The following ARIH2 variants were observed in gnomAD, a reference collection of about 807,000 sequenced individuals.
The protein encoded by ARIH2 is ariadne RBR E3 ubiquitin protein ligase 2.
A neutral mutation model predicts 79.8 loss-of-function variants in ARIH2; 12 were observed. The ratio of observed to expected loss-of-function variants is 0.15; its 90% CI spans 0.10 to 0.24. The LOEUF (loss-of-function observed/expected upper bound fraction) is 0.24, where lower values mean the gene tolerates loss of function less well. ARIH2 is among the 10% of genes least tolerant of loss of function. The probability of loss-of-function intolerance (pLI) is 1.00; values close to 1 mark genes in which losing one functional copy is unlikely to be tolerated. For missense variants in ARIH2, 301 were observed against 618.3 expected (o/e 0.49, Z 5.44); for synonymous variants, 224 against 213.9 (o/e 1.05, Z -0.41).
chr3:48,980,792 T>G (rs1261764979), intron 13 of ARIH2, among the ~76,000 whole-genome samples: 1 of 151,938 alleles, frequency 6.6e-6, no homozygotes, highest in African/African-American at 2.4e-5. Context: ...AATAAAAGAT[T>G]GTCTGATCAC....
chr3:48,968,201 ATTTTTTT>A lies in ARIH2; in HGVS notation c.539-315_539-309del, dbSNP rs532883982. The A allele has an allele frequency of 7.5e-5, 10 of 134,096 alleles. No homozygotes were observed. In the South Asian group the frequency reaches 8.1e-4, roughly 11 times the overall value. The allele number at this position is 134,096 out of a possible 1,614,324, so 8.3% of individuals were successfully genotyped here. On this transcript the variant is annotated intron_variant, in intron 6 of 15. Transcript: ENST00000356401. ...AGGCATGTGCCACCACACCTGGCTA[ATTTTTTT>A]TTTTTTTTTTTTTTTTTGAGACGGA...
intron 5 of ARIH2, 137 bp downstream of exon 5, chr3:48,965,119 C>T: frequency 1.6e-6 from 1 of 640,792 alleles, no homozygotes; most frequent in Non-Finnish European, 2.6e-6. Flanking sequence ...CTTTGGGAGG[C>T]TGAGGCGGGT....
intron 3 of ARIH2, among the ~76,000 whole-genome samples, chr3:48,946,428 C>G (rs920245646): frequency 1.5e-4 from 23 of 150,832 alleles, no homozygotes; most frequent in African/African-American, 5.6e-4. Context: ...CTTCTGTCAT[C>G]CACTATAGTC....
intron 7 of ARIH2, among the ~76,000 whole-genome samples, chr3:48,970,037 C>G (rs758545273): frequency 2.0e-5 from 3 of 151,184 alleles, no homozygotes; most frequent in Non-Finnish European, 4.4e-5. Flanking sequence ...GTTACAAGCT[C>G]GCGCCACCAC....
At chr3:48,957,838 C>G (rs958402305) in intron 3 of ARIH2, among the ~76,000 whole-genome samples, 1 of 152,138 alleles carries the variant, frequency 6.6e-6, no homozygotes, top group African/African-American at 2.4e-5. Context: ...GCCTCAACTT[C>G]CCGAGTAGCT....
intron 1 of ARIH2, chr3:48,919,424 T>A: frequency 3.1e-6 from 1 of 324,376 alleles, no homozygotes; most frequent in Non-Finnish European, 5.7e-6. Flanking sequence ...CGCGCGAATA[T>A]CCCGGAGCCC....
intron 11 of ARIH2, 81 bp from the exon 12 acceptor site, chr3:48,979,401 C>G: frequency 6.7e-7 from 1 of 1,491,468 alleles, no homozygotes. Context: ...GGAGCAGGGT[C>G]TGTCTGTCTC....
intron 7 of ARIH2, among the ~76,000 whole-genome samples, chr3:48,969,825 T>G (rs2092068722): frequency 1.3e-5 from 2 of 152,012 alleles, no homozygotes; most frequent in African/African-American, 2.4e-5. Flanking sequence ...TGCCGCAGGA[T>G]AAACAGAAGG....
intron 4 of ARIH2, among the ~76,000 whole-genome samples, chr3:48,963,159 C>T (rs1316322635): frequency 1.3e-5 from 2 of 152,188 alleles, no homozygotes; most frequent in Non-Finnish European, 2.9e-5. Context: ...AGAGCAAATT[C>T]GTTCCTGATT....
chr3:48,921,761 TC>T lies in ARIH2; in HGVS notation c.-161-986del, dbSNP rs1179521391. On this transcript the variant is annotated intron_variant, in intron 1 of 15. Coordinates refer to ENST00000356401, the MANE Select transcript of ARIH2 (RefSeq NM_006321.4). ...GTCCTGGAATTTTTCTTTTTTTTTTTCTTTTTTGAAGACAGGGTCTCACTCT... is the reference window on the plus strand; with the variant it reads ...GTCCTGGAATTTTTCTTTTTTTTTTTTTTTTTGAAGACAGGGTCTCACTCT... 4.6e-5 allele frequency among the ~76,000 whole-genome samples: 7 copies of T among 151,924 alleles called. No homozygotes were observed. In the East Asian group the frequency reaches 1.4e-3, roughly 29 times the overall value.
In ARIH2 at chr3:48,967,183, A is replaced by G; in HGVS notation, c.446A>G (p.Glu149Gly). Residue 149 changes from glutamate (E) to glycine (G), a missense_variant, in exon 6 of 16, where the codon GAA becomes GGA. Physicochemically the swap from Glu to Gly is moderately conservative, Grantham distance 98. Around this residue, in one of 2 missense-constraint regions of ARIH2, gnomAD observed 223 missense variants for 349.4 expected, o/e 0.64. Coordinates refer to ENST00000356401, the MANE Select transcript of ARIH2 (RefSeq NM_006321.4). ...GTGTGTATGCAGTTTGTGCGAAAGGAAAACCTACTCTCTCTGGCCTGTCAG... is the reference window on the plus strand; with the variant it reads ...GTGTGTATGCAGTTTGTGCGAAAGGGAAACCTACTCTCTCTGGCCTGTCAG... Reference protein sequence around the residue: ...CAVCMQFVRKENLLSLACQHQ... With the variant: ...CAVCMQFVRKGNLLSLACQHQ... 1.2e-6 allele frequency: 2 copies of G among 1,614,178 alleles called. No homozygotes were observed. Among genetic ancestry groups the G allele is most frequent in the Non-Finnish European group, 1.7e-6 (2 of 1,180,030 alleles).
At position 48,961,676 on chromosome 3, in the gene ARIH2, A is replaced by G; in HGVS notation, c.320A>G (p.Asp107Gly). The G allele has an allele frequency of 6.2e-7, 1 of 1,603,878 alleles. No homozygotes were observed. The highest frequency in any genetic ancestry group is 8.5e-7 in the Non-Finnish European group (1 of 1,170,750). ...NFHWQVSEIL[D>G]RYKSNSAQLL... ...CACTGGCAAGTTTCAGAGATATTGG[A>G]CAGGTAAGGTATTTGGGGGAGGAGA... is the stretch of plus-strand genomic sequence containing the variant. Residue 107 changes from aspartate (D) to glycine (G), a missense_variant, in exon 4 of 16, where the codon GAC becomes GGC. Physicochemically the swap from Asp to Gly is moderately conservative, Grantham distance 94 (BLOSUM62 -1). Coordinates refer to ENST00000356401, the MANE Select transcript of ARIH2 (RefSeq NM_006321.4).
At chr3:48,933,999 T>G (rs942459957) in intron 3 of ARIH2, among the ~76,000 whole-genome samples, 3 of 152,234 alleles carry the variant, frequency 2.0e-5, no homozygotes, top group Non-Finnish European at 2.9e-5. Flanking sequence ...AACACTCTAT[T>G]CTGCCATACT....
intron 12 of ARIH2, 190 bp downstream of exon 12, chr3:48,979,823 C>A (rs748531289): frequency 7.2e-6 from 4 of 559,296 alleles, no homozygotes; most frequent in Non-Finnish European, 1.2e-5. Flanking sequence ...TATCCCCAGC[C>A]AACAGGGAAG....
intron 3 of ARIH2, among the ~76,000 whole-genome samples, chr3:48,950,405 A>T (rs1001679246): frequency 6.6e-6 from 1 of 152,178 alleles, no homozygotes; most frequent in East Asian, 1.9e-4. Context: ...GAAGTCCAGT[A>T]TCTCCACTGT....
At chr3:48,963,706 T>C (rs2091507583) in intron 4 of ARIH2, among the ~76,000 whole-genome samples, 1 of 152,240 alleles carries the variant, frequency 6.6e-6, no homozygotes, top group African/African-American at 2.4e-5. Context: ...CTTTACACGC[T>C]CAGCAGTGGT....
intron 3 of ARIH2, chr3:48,928,076 A>G: frequency 8.9e-6 from 4 of 450,544 alleles, no homozygotes; most frequent in South Asian, 8.6e-5. Context: ...CATACCAGAA[A>G]TGTGTAGTAG....
intron 15 of ARIH2, 64 bp from the exon 16 acceptor site, chr3:48,983,135 C>G (rs2092810580): frequency 2.5e-6 from 4 of 1,590,854 alleles, no homozygotes; most frequent in Middle Eastern, 1.7e-4. Flanking sequence ...GTGTTTGTGG[C>G]TTTGGCTACT....
At chr3:48,951,767 G>C (rs1005637337) in intron 3 of ARIH2, among the ~76,000 whole-genome samples, 1 of 151,814 alleles carries the variant, frequency 6.6e-6, no homozygotes, top group African/African-American at 2.4e-5. Flanking sequence ...TGTAGGGGGT[G>C]GTCCATCTTC....
Sources: allele counts gnomAD v4.1 joint callset (sites outside exome capture counted in the v4.1 genomes callset), GRCh38; gene constraint gnomAD v4.1.1; regional missense constraint gnomAD v4.1.1; transcripts MANE v1.5; gene names NCBI Gene and HGNC (gene_info 2026-07-23, HGNC 2026-07-21).